TNFRSF19: variants seen among roughly 807,000 people sequenced by gnomAD.
TNFRSF19 encodes the protein tumor necrosis factor receptor superfamily member 19.
TNFRSF19 carries 27 observed loss-of-function variants against 46.4 expected under a neutral mutation model. The observed-to-expected ratio is 0.58, with a 90% CI of 0.43 to 0.80. The LOEUF (loss-of-function observed/expected upper bound fraction) is 0.80. Among genes scored for constraint, TNFRSF19 ranks in the 30% least tolerant of loss-of-function variants. TNFRSF19 has a pLI of 0.00. For synonymous variants in TNFRSF19, 204 were observed against 205.0 expected, an observed-to-expected ratio of 1.00 and a Z score of 0.04; for missense variants, 511 against 530.8, an observed-to-expected ratio of 0.96 and a Z score of 0.37.
chr13:23,588,795 G>GA (rs1217701002), intron 1 of TNFRSF19, among the ~76,000 whole-genome samples: 1 of 152,130 alleles, frequency 6.6e-6, no homozygotes. Context: ...ATGCCAGCAG[G>GA]AAAAAAAGTT....
chr13:23,599,918 G>A (rs1477558716), intron 3 of TNFRSF19, among the ~76,000 whole-genome samples: 2 of 145,226 alleles, frequency 1.4e-5, no homozygotes, highest in East Asian at 4.3e-4. Context: ...AGATGGTGGG[G>A]GCTTAGAATT....
intron 5 of TNFRSF19, among the ~76,000 whole-genome samples, chr13:23,628,038 C>G (rs1450895206): frequency 6.6e-6 from 1 of 152,188 alleles, no homozygotes; most frequent in Non-Finnish European, 1.5e-5. Flanking sequence ...TGCCTGTTAT[C>G]AGTCACAATG....
At chr13:23,669,217 TC>T in intron 9 of TNFRSF19, 120 bp downstream of exon 9, 1 of 1,442,378 alleles carries the variant, frequency 6.9e-7, no homozygotes. Context: ...TTTAATAATT[TC>T]TTGTATGTTG....
intron 5 of TNFRSF19, 21 bp downstream of exon 5, chr13:23,626,813 C>T: frequency 6.2e-7 from 1 of 1,611,654 alleles, no homozygotes; most frequent in South Asian, 1.1e-5. Flanking sequence ...GCAACACAGG[C>T]AGAGCCAAGG....
At chr13:23,611,119 C>T (rs1157571436) in intron 3 of TNFRSF19, among the ~76,000 whole-genome samples, 1 of 118,068 alleles carries the variant, frequency 8.5e-6, no homozygotes, top group Non-Finnish European at 1.8e-5. Flanking sequence ...GACACACACA[C>T]ACATGTGCAC....
intron 5 of TNFRSF19, among the ~76,000 whole-genome samples, chr13:23,641,910 TCAGTACA>T: frequency 6.6e-6 from 1 of 152,334 alleles, no homozygotes; most frequent in East Asian, 1.9e-4. Context: ...TTAAATGTGC[TCAGTACA>T]CTTATATTAG....
chr13:23,635,428 G>T (rs1368565723), intron 5 of TNFRSF19, among the ~76,000 whole-genome samples: 1 of 152,126 alleles, frequency 6.6e-6, no homozygotes, highest in African/African-American at 2.4e-5. Flanking sequence ...ATCCAGGCTG[G>T]AGTGCAGTGG....
chr13:23,669,280 G>T, intron 9 of TNFRSF19, 183 bp downstream of exon 9: 1 of 1,409,488 alleles, frequency 7.1e-7, no homozygotes, highest in Non-Finnish European at 9.2e-7. Flanking sequence ...AACTAACACA[G>T]CTAATATATA....
At chr13:23,612,183 A>G (rs1029880533) in intron 3 of TNFRSF19, among the ~76,000 whole-genome samples, 4 of 152,202 alleles carry the variant, frequency 2.6e-5, no homozygotes, top group Non-Finnish European at 5.9e-5. Context: ...GGCAGTGTCA[A>G]TCTGTGCTAA....
chr13:23,672,382 A>G (rs1951773509), intron 9 of TNFRSF19, among the ~76,000 whole-genome samples: 1 of 152,218 alleles, frequency 6.6e-6, no homozygotes, highest in African/African-American at 2.4e-5. Context: ...TTTTAATGCA[A>G]CATTTAAAAT....
chr13:23,578,364 G>A (rs1400276471), intron 1 of TNFRSF19, among the ~76,000 whole-genome samples: 1 of 150,974 alleles, frequency 6.6e-6, no homozygotes, highest in Non-Finnish European at 1.5e-5. Flanking sequence ...CTCTATCAAG[G>A]TGTGACATCG....
At position 23,644,478 on chromosome 13, in the gene TNFRSF19, C is replaced by G. The variant is rs150365981; in HGVS notation, c.446-14572C>G. Among the ~76,000 whole-genome samples, 197 of 152,300 alleles carry G rather than the reference C, an allele frequency of 1.3e-3. 2 individuals are homozygous for G. Among genetic ancestry groups the G allele is most frequent in the African/African-American group, 4.4e-3 (184 of 41,564 alleles). Reference sequence around the variant, plus strand: ...AAGAAGGATGTGTTTGCTTCCCCTTCCAGCATGATTGTAAGTTTCCTGAGG... The same window carrying G: ...AAGAAGGATGTGTTTGCTTCCCCTTGCAGCATGATTGTAAGTTTCCTGAGG... On this transcript the variant is annotated intron_variant, in intron 5 of 9. Coordinates refer to ENST00000248484, the MANE Select transcript of TNFRSF19 (RefSeq NM_148957.4).
chr13:23,636,589 C>A (rs753125325), intron 5 of TNFRSF19, among the ~76,000 whole-genome samples: 15 of 152,112 alleles, frequency 9.9e-5, no homozygotes, highest in Non-Finnish European at 1.9e-4. Flanking sequence ...TGCTGCAGGG[C>A]AGAGCTATTA....
At chr13:23,586,257 C>CAAAAAA (rs34228080) in intron 1 of TNFRSF19, among the ~76,000 whole-genome samples, 16 of 91,856 alleles carry the variant, frequency 1.7e-4, no homozygotes, top group African/African-American at 3.1e-4. Context: ...GACTCCGTCT[C>CAAAAAA]AAAAAAAAAA....
intron 4 of TNFRSF19, among the ~76,000 whole-genome samples, chr13:23,626,392 T>C (rs1251886576): frequency 6.6e-6 from 1 of 152,160 alleles, no homozygotes; most frequent in Non-Finnish European, 1.5e-5. Flanking sequence ...CTTTATTCAT[T>C]TATAAGGTAT....
chr13:23,622,005 C>G (rs957210011), intron 4 of TNFRSF19, among the ~76,000 whole-genome samples: 1 of 151,998 alleles, frequency 6.6e-6, no homozygotes, highest in African/African-American at 2.4e-5. Flanking sequence ...GATAGCTGCT[C>G]TCAGAGCTAG....
chr13:23,574,550 TAA>T (rs1877838427), intron 1 of TNFRSF19, among the ~76,000 whole-genome samples: 1 of 152,076 alleles, frequency 6.6e-6, no homozygotes, highest in Non-Finnish European at 1.5e-5. Flanking sequence ...AGGACCTCCC[TAA>T]GCCATGAAGG....
Position 23,659,310 on chromosome 13 carries a change from A to G in TNFRSF19, c.610+96A>G, listed in dbSNP as rs1884187141. 4 of 1,352,318 alleles carry G rather than the reference A, an allele frequency of 3.0e-6. No individual in the cohort carries two copies. Among genetic ancestry groups the G allele is most frequent in the Non-Finnish European group, 4.0e-6 (4 of 988,468 alleles). 83.8% of individuals were successfully genotyped at this position (1,352,318 alleles called of 1,614,324 possible). A position where few individuals can be genotyped will look rare whatever the true frequency, so the allele number is the denominator to read the frequency against. On this transcript the variant is annotated intron_variant, in intron 6 of 9. Coordinates refer to ENST00000248484, the MANE Select transcript of TNFRSF19 (RefSeq NM_148957.4). This position sits in a 1 kb window ranked among gnomAD's most constrained non-coding sequence, Gnocchi z 4.9. ...TTCCACAAGAGACTTGGCTGAGACAAGCACCAGTGAGTTGTGAAAGAACGC... is the reference window on the plus strand; with the variant it reads ...TTCCACAAGAGACTTGGCTGAGACAGGCACCAGTGAGTTGTGAAAGAACGC...
intron 1 of TNFRSF19, chr13:23,579,253 G>C (rs1052315957): frequency 1.3e-5 from 2 of 152,530 alleles, no homozygotes; most frequent in African/African-American, 4.8e-5. Context: ...TGGGGGCGGG[G>C]CTCTGGACGG....
Sources: gnomAD v4.1 joint callset for allele counts (sites outside exome capture counted in the v4.1 genomes callset) on GRCh38, gnomAD v4.1.1 for gene constraint, Gnocchi (gnomAD v3.1) non-coding constraint, MANE v1.5 for transcripts, NCBI Gene and HGNC (gene_info 2026-07-23, HGNC 2026-07-21) for gene names.